The following SOX6 variants were observed in gnomAD, a reference collection of about 807,000 sequenced individuals.
SOX6 encodes the protein SRY-box transcription factor 6, also known as transcription factor SOX-6.
A neutral mutation model predicts 97.8 loss-of-function variants in SOX6; 11 were observed. That is an observed-to-expected ratio of 0.11 (90% CI 0.07 to 0.19). The LOEUF (loss-of-function observed/expected upper bound fraction) is 0.19, where lower values mean the gene tolerates loss of function less well. SOX6 is among the 10% of genes least tolerant of loss of function. The pLI is 1.00. For missense variants in SOX6, 810 were observed against 1,039.5 expected (o/e 0.78, Z 3.04); for synonymous variants, 360 against 371.4 (o/e 0.97, Z 0.35).
At chr11:16,682,200 G>A (rs1343248701) in intron 3 of SOX6, among the ~76,000 whole-genome samples, 1 of 152,218 alleles carries the variant, frequency 6.6e-6, no homozygotes, top group African/African-American at 2.4e-5. Context: ...GAACATTGGT[G>A]TGAAAATCCT....
intron 9 of SOX6, among the ~76,000 whole-genome samples, chr11:16,092,743 G>A (rs999203994): frequency 6.6e-6 from 1 of 151,262 alleles, no homozygotes; most frequent in Non-Finnish European, 1.5e-5. Flanking sequence ...CAACTATGAG[G>A]CAACACTACT....
intron 3 of SOX6, among the ~76,000 whole-genome samples, chr11:16,276,668 T>G (rs1216860798): frequency 6.6e-6 from 1 of 152,218 alleles, no homozygotes; most frequent in South Asian, 2.1e-4. Flanking sequence ...TTTGCAGGAA[T>G]GCAATCAAGT....
intron 4 of SOX6, among the ~76,000 whole-genome samples, chr11:16,485,629 G>A (rs1057446015): frequency 4.6e-5 from 7 of 151,386 alleles, no homozygotes; most frequent in African/African-American, 1.7e-4. Context: ...TACTCGGGAG[G>A]CTGAGGCAGA....
At chr11:16,247,279 T>C (rs1211401117) in intron 3 of SOX6, among the ~76,000 whole-genome samples, 1 of 152,212 alleles carries the variant, frequency 6.6e-6, no homozygotes, top group East Asian at 1.9e-4. Context: ...ATTGTGTATA[T>C]GTGCCATGTA....
At chr11:16,332,111 G>A (rs760755194) in intron 2 of SOX6, among the ~76,000 whole-genome samples, 2 of 152,026 alleles carry the variant, frequency 1.3e-5, no homozygotes, top group African/African-American at 4.8e-5. Context: ...GAAATACATC[G>A]ATGAGAGAAC....
chr11:16,036,280 T>C (rs1855517230), intron 12 of SOX6, among the ~76,000 whole-genome samples: 3 of 152,048 alleles, frequency 2.0e-5, no homozygotes, highest in South Asian at 2.1e-4. Flanking sequence ...GGTTTCTCCA[T>C]GTTAGTCAGG....
chr11:16,208,842 T>C (rs1852141513), intron 4 of SOX6, among the ~76,000 whole-genome samples: 2 of 152,324 alleles, frequency 1.3e-5, no homozygotes, highest in Middle Eastern at 3.4e-3. Context: ...AAATTGTAAG[T>C]CAGATCAATG....
intron 1 of SOX6, among the ~76,000 whole-genome samples, chr11:16,442,197 C>T (rs971711503): frequency 2.6e-5 from 4 of 152,192 alleles, no homozygotes; most frequent in Non-Finnish European, 5.9e-5. Flanking sequence ...TGGTGGAAAA[C>T]TTTTCAACTT....
chr11:16,049,990 A>G (rs771991356), intron 10 of SOX6, 52 bp from the exon 11 acceptor site: 8 of 1,587,120 alleles, frequency 5.0e-6, no homozygotes, highest in Non-Finnish European at 6.1e-6. Flanking sequence ...AATGAAGCAC[A>G]TTATCACTTA....
chr11:16,411,803 T>C (rs534932379), intron 1 of SOX6, among the ~76,000 whole-genome samples: 15 of 152,326 alleles, frequency 9.8e-5, no homozygotes, highest in African/African-American at 3.4e-4. Context: ...TCTAGGTGAA[T>C]GCAAAATTTG....
At chr11:16,485,730 C>CA (rs1372189298) in intron 4 of SOX6, among the ~76,000 whole-genome samples, 1,243 of 101,882 alleles carry the variant, frequency 0.012, 17 homozygotes, top group African/African-American at 0.039. Context: ...GGCTCGGTCT[C>CA]AAAAAAAAAA....
At chr11:16,317,909 T>A in intron 3 of SOX6, 1 of 447,674 alleles carries the variant, frequency 2.2e-6, no homozygotes, top group East Asian at 7.0e-5. Context: ...GTAGAGAAGG[T>A]AGATGTGGGA....
At chr11:16,367,619 A>G (rs1857391382) in intron 1 of SOX6, among the ~76,000 whole-genome samples, 1 of 152,206 alleles carries the variant, frequency 6.6e-6, no homozygotes. Flanking sequence ...CCCAGGAATT[A>G]TAAATCACCT....
At chr11:16,171,014 T>C (rs898231633) in intron 6 of SOX6, among the ~76,000 whole-genome samples, 14 of 151,988 alleles carry the variant, frequency 9.2e-5, no homozygotes, top group Non-Finnish European at 2.9e-5. Context: ...GAAATGAGTA[T>C]TTGTCCATAA....
At chr11:16,551,421 TAA>T (rs746582931) in intron 4 of SOX6, among the ~76,000 whole-genome samples, 2 of 151,932 alleles carry the variant, frequency 1.3e-5, no homozygotes, top group South Asian at 4.2e-4. Context: ...TTACATTAAA[TAA>T]AAAGAGTCTA....
At chr11:16,061,998 A>G (rs1310633312) in intron 9 of SOX6, among the ~76,000 whole-genome samples, 1 of 151,776 alleles carries the variant, frequency 6.6e-6, no homozygotes. Context: ...ATTCATAACT[A>G]AAACCTCAAA....
chr11:16,199,440 C>T (rs892003411), intron 4 of SOX6, among the ~76,000 whole-genome samples: 4 of 152,148 alleles, frequency 2.6e-5, no homozygotes, highest in African/African-American at 9.7e-5. Flanking sequence ...GATCACACAG[C>T]TTGTTAGCTT....
At chr11:16,204,013 A>C (rs1370375185) in intron 4 of SOX6, among the ~76,000 whole-genome samples, 2 of 152,050 alleles carry the variant, frequency 1.3e-5, no homozygotes, top group African/African-American at 4.8e-5. Flanking sequence ...AGTTTACGTG[A>C]GGCAATGCAC....
intron 4 of SOX6, among the ~76,000 whole-genome samples, chr11:16,198,982 C>T (rs1220516221): frequency 6.6e-6 from 1 of 152,172 alleles, no homozygotes; most frequent in East Asian, 1.9e-4. Flanking sequence ...ATCTGTGTCA[C>T]ATGCATCTCT....
Sources: gnomAD v4.1 joint callset for allele counts (sites outside exome capture counted in the v4.1 genomes callset) on GRCh38, gnomAD v4.1.1 for gene constraint, MANE v1.5 for transcripts, NCBI Gene and HGNC (gene_info 2026-07-23, HGNC 2026-07-21) for gene names.